Variants in RAVER2 observed in about 807,000 individuals in gnomAD.
RAVER2 encodes the protein ribonucleoprotein PTB-binding 2.
A neutral mutation model predicts 78.1 loss-of-function variants in RAVER2; 46 were observed. The observed-to-expected ratio is 0.59, with a 90% confidence interval of 0.46 to 0.75. RAVER2 has a LOEUF of 0.75. RAVER2 is among the 30% of genes least tolerant of loss of function. RAVER2 has a pLI of 0.00. For missense variants in RAVER2, 793 were observed against 837.5 expected, an observed-to-expected ratio of 0.95 and a Z score of 0.66; for synonymous variants, 311 against 313.3, an observed-to-expected ratio of 0.99 and a Z score of 0.08.
At chr1:64,812,783 G>A (rs1279086699) in exon 10 of RAVER2, 2 of 1,612,152 alleles carry the variant, frequency 1.2e-6, no homozygotes, top group Non-Finnish European at 1.7e-6. Flanking sequence ...ACCACCAAAA[G>A]AAATTCGGCT....
Position 64,804,725 on chromosome 1 carries a change from T to C in RAVER2, c.1192-9T>C, listed in dbSNP as rs1653363094. 7.5e-7 allele frequency: 1 copy of C among 1,330,660 alleles called. No individual in the cohort carries two copies. Among genetic ancestry groups the C allele is most frequent in the Admixed American group, 1.9e-5 (1 of 51,670 alleles). 82.4% of individuals were successfully genotyped at this position (1,330,660 alleles called of 1,614,324 possible). ...AAATTAAACTGACAACGTTTTGTCA[T>C]TTTCACAGAGCTCAGTTATGGGTAA... is the stretch of plus-strand genomic sequence containing the variant. On this transcript the variant is annotated splice_polypyrimidine_tract_variant and intron_variant, in intron 6 of 11. Coordinates refer to ENST00000294428, the Ensembl canonical transcript of RAVER2.
chr1:64,824,130 C>G (rs1244927948), intron 11 of RAVER2, among the ~76,000 whole-genome samples: 1 of 152,118 alleles, frequency 6.6e-6, no homozygotes, highest in African/African-American at 2.4e-5. Context: ...TCATTTAACA[C>G]TTGCCATATG....
intron 11 of RAVER2, among the ~76,000 whole-genome samples, chr1:64,823,035 G>A (rs1206030231): frequency 6.6e-6 from 1 of 152,196 alleles, no homozygotes. Context: ...GGAAGGAGGA[G>A]TTGGGGAGTA....
At chr1:64,798,002 C>T (rs1017389751) in intron 5 of RAVER2, among the ~76,000 whole-genome samples, 1 of 150,554 alleles carries the variant, frequency 6.6e-6, no homozygotes, top group African/African-American at 2.4e-5. Context: ...ATACATGTGC[C>T]ACGCTGGTGT....
intron 11 of RAVER2, among the ~76,000 whole-genome samples, chr1:64,822,399 A>G (rs1221386444): frequency 6.6e-6 from 1 of 152,256 alleles, no homozygotes; most frequent in Non-Finnish European, 1.5e-5. Context: ...AAGTATGATA[A>G]CAAATGAAAA....
chr1:64,832,656 C>G (rs1413276242), exon 12 of RAVER2: 5 of 152,088 alleles, frequency 3.3e-5, no homozygotes, highest in Non-Finnish European at 7.4e-5. Context: ...AAGAATTTCA[C>G]TTGGTCTAAT....
intron 2 of RAVER2, 24 bp from the exon 3 acceptor site, chr1:64,777,597 CTT>C (rs1342335095): frequency 1.3e-6 from 2 of 1,553,840 alleles, no homozygotes; most frequent in Non-Finnish European, 8.8e-7. Context: ...TTTGAAAACT[CTT>C]TAATTCATTT....
chr1:64,803,194 G>A (rs938196809), intron 6 of RAVER2, 133 bp downstream of exon 6: 22 of 606,768 alleles, frequency 3.6e-5, no homozygotes, highest in Non-Finnish European at 5.9e-5. Flanking sequence ...AATAAGTATA[G>A]GTATGTAAAA....
exon 9 of RAVER2, chr1:64,807,327 G>A: frequency 6.2e-7 from 1 of 1,614,142 alleles, no homozygotes; most frequent in Non-Finnish European, 8.5e-7. Flanking sequence ...AGGAGAAACA[G>A]CCAGCCACGG....
At chr1:64,828,848 A>G (rs754811302) in intron 11 of RAVER2, among the ~76,000 whole-genome samples, 1 of 152,228 alleles carries the variant, frequency 6.6e-6, no homozygotes, top group African/African-American at 2.4e-5. Flanking sequence ...CAGCTCCTGA[A>G]GAGAACATCA....
At chr1:64,828,196 A>G (rs1242067393) in intron 11 of RAVER2, among the ~76,000 whole-genome samples, 4 of 123,420 alleles carry the variant, frequency 3.2e-5, no homozygotes, top group Non-Finnish European at 6.4e-5. Flanking sequence ...GTCTGGAAAA[A>G]GCTTTAGCAC....
intron 11 of RAVER2, among the ~76,000 whole-genome samples, chr1:64,818,386 A>G (rs1054564919): frequency 1.3e-5 from 2 of 152,096 alleles, no homozygotes; most frequent in Non-Finnish European, 2.9e-5. Context: ...AATACAAAAA[A>G]TTAGCCGGGC....
chr1:64,785,398 C>G (rs1175714769), intron 4 of RAVER2, among the ~76,000 whole-genome samples: 2 of 134,092 alleles, frequency 1.5e-5, no homozygotes, highest in African/African-American at 5.5e-5. Flanking sequence ...GAAATAGAGT[C>G]TTGCTCTGTC....
In RAVER2 at chr1:64,824,916, G is replaced by A. The variant is rs552801269; in HGVS notation, c.1930-5923G>A. Reference sequence around the variant, plus strand: ...ATTGCACTCCAGCTTGGGCAACAGAGCGAGACCCTGTCTCCCAAAAAAAAA... The same window carrying A: ...ATTGCACTCCAGCTTGGGCAACAGAACGAGACCCTGTCTCCCAAAAAAAAA... On this transcript the variant is annotated intron_variant, in intron 11 of 11. Transcript: ENST00000294428. Among the ~76,000 whole-genome samples, 70 of 108,570 alleles carry A rather than the reference G, an allele frequency of 6.4e-4. 1 individual carries two copies. The highest frequency in any genetic ancestry group is 3.3e-3 in the African/African-American group (67 of 20,470). 71.2% of individuals were successfully genotyped at this position (108,570 alleles called of 152,430 possible). A position where few individuals can be genotyped will look rare whatever the true frequency, so the allele number is the denominator to read the frequency against.
In RAVER2 at chr1:64,755,681, C is replaced by T. The variant is rs974275111; in HGVS notation, c.249+10260C>T. Among the ~76,000 whole-genome samples, 7 of 139,396 alleles carry T rather than the reference C, an allele frequency of 5.0e-5. No homozygotes were observed. In the East Asian group the frequency reaches 8.4e-4, roughly 17 times the overall value. 91.4% of individuals were successfully genotyped at this position (139,396 alleles called of 152,430 possible). ...CCCTACCAGTTTAACTACTTGCTTT[C>T]GATTCCAAAGTAATCTCCATTTCTC... On this transcript the variant is annotated intron_variant, in intron 1 of 11. Coordinates refer to ENST00000294428, the Ensembl canonical transcript of RAVER2.
chr1:64,807,556 C>T (rs1358473014), intron 9 of RAVER2, 82 bp downstream of exon 9: 13 of 1,293,326 alleles, frequency 1.0e-5, no homozygotes, highest in African/African-American at 5.9e-5. Flanking sequence ...CTTAAATTGT[C>T]GTGTCAATGA....
intron 11 of RAVER2, among the ~76,000 whole-genome samples, chr1:64,823,797 T>C (rs559231720): frequency 4.0e-5 from 6 of 149,492 alleles, no homozygotes. Context: ...ACTGTGTAAG[T>C]TGTGATTTTT....
At chr1:64,798,332 AT>A (rs1653159759) in intron 5 of RAVER2, among the ~76,000 whole-genome samples, 1 of 140,034 alleles carries the variant, frequency 7.1e-6, no homozygotes, top group South Asian at 2.4e-4. Context: ...ATTGTTGGAC[AT>A]TTGGGTTGGT....
chr1:64,746,357 A>G (rs933536813), intron 1 of RAVER2, among the ~76,000 whole-genome samples: 1 of 152,154 alleles, frequency 6.6e-6, no homozygotes, highest in African/African-American at 2.4e-5. Flanking sequence ...TTGATTCTTC[A>G]GGATTTCTTA....
Sources: allele counts gnomAD v4.1 joint callset (sites outside exome capture counted in the v4.1 genomes callset), GRCh38; gene constraint gnomAD v4.1.1; transcripts MANE v1.5; gene names NCBI Gene and HGNC (gene_info 2026-07-23, HGNC 2026-07-21).